The following NSUN2 variants were observed in gnomAD, a reference collection of about 807,000 sequenced individuals.
The protein encoded by NSUN2 is NOP2/Sun RNA methyltransferase 2, also known as RNA cytosine C(5)-methyltransferase NSUN2.
NSUN2 carries 63 observed loss-of-function variants against 92.7 expected under a neutral mutation model. That is an observed-to-expected ratio of 0.68 (90% CI 0.56 to 0.84). The LOEUF (loss-of-function observed/expected upper bound fraction) is 0.84, where lower values mean the gene tolerates loss of function less well. NSUN2 is among the 40% of genes least tolerant of loss of function. The pLI, the probability that NSUN2 is intolerant of heterozygous loss-of-function variation, is 0.00. For synonymous variants in NSUN2, 356 were observed against 348.3 expected (o/e 1.02, Z -0.25); for missense variants, 989 against 964.9 (o/e 1.02, Z -0.33).
chr5:6,600,309 C>T, intron 18 of NSUN2, 77 bp from the exon 19 acceptor site: 1 of 1,348,908 alleles, frequency 7.4e-7, no homozygotes, highest in Non-Finnish European at 1.0e-6. Context: ...TATGCAACTG[C>T]TTAAAAAAGA....
intron 17 of NSUN2, chr5:6,603,882 C>A (rs1451753253): frequency 2.5e-6 from 1 of 406,440 alleles, no homozygotes; most frequent in Non-Finnish European, 4.4e-6. Context: ...GCACGCCACA[C>A]AGACACACCA....
At chr5:6,623,953 C>T (rs972710169) in intron 4 of NSUN2, among the ~76,000 whole-genome samples, 8 of 152,224 alleles carry the variant, frequency 5.3e-5, no homozygotes, top group African/African-American at 1.7e-4. Context: ...GCCTCAACCA[C>T]ACCTCTACTT....
chr5:6,620,497 G>A (rs1047197566), intron 6 of NSUN2, 199 bp from the exon 7 acceptor site: 6 of 411,210 alleles, frequency 1.5e-5, no homozygotes, highest in African/African-American at 6.1e-5. Context: ...ATGGACACTC[G>A]AATTTTGAAA....
rs1737971850 is a variant in NSUN2 at position 6,632,624 on chromosome 5, T to A, written c.229A>T (p.Thr77Ser). ...MDALREPLPA[T>S]LRITGYKSHA... is the part of the protein sequence containing the mutation. ...CTTTTGTAACCAGTAATTCTTAAAG[T>A]GGCCGGGAGCGGCTCCCTGAGAGCG... The change falls in exon 2 of 19, where the codon ACT becomes TCT. Residue 77 changes from threonine (T) to serine (S), a missense_variant. Thr to Ser is a moderately conservative substitution (Grantham distance 58). Transcript: ENST00000264670. 6.2e-7 allele frequency: 1 copy of A among 1,614,006 alleles called. No individual in the cohort carries two copies. Among genetic ancestry groups the A allele is most frequent in the Non-Finnish European group, 8.5e-7 (1 of 1,180,014 alleles).
chr5:6,620,356 G>A, intron 6 of NSUN2, 58 bp from the exon 7 acceptor site: 1 of 1,308,090 alleles, frequency 7.6e-7, no homozygotes, highest in South Asian at 1.6e-5. Flanking sequence ...ATCACATCCT[G>A]AAATATGCGA....
chr5:6,600,095 T>C lies in NSUN2; in HGVS notation c.2135A>G (p.Lys712Arg), dbSNP rs750035271. Residue 712 changes from lysine (K) to arginine (R), a missense_variant, in exon 19 of 19, where the codon AAG becomes AGG. Coordinates refer to ENST00000264670, the MANE Select transcript of NSUN2 (RefSeq NM_017755.6). ...CTCATTTGTGAGGATAACCCCTTCC[T>C]TCTTCTTTTCTCCCAATACCTCCAG... ...MGLEVLGEKKKEGVILTNESA... is the reference protein window; with the variant it reads ...MGLEVLGEKKREGVILTNESA... The C allele has an allele frequency of 6.2e-7, 1 of 1,614,192 alleles. No individual in the cohort carries two copies. Among genetic ancestry groups the C allele is most frequent in the East Asian group, 2.2e-5 (1 of 44,882 alleles).
intron 18 of NSUN2, among the ~76,000 whole-genome samples, chr5:6,601,190 G>A (rs2126464890): frequency 1.3e-5 from 2 of 151,864 alleles, no homozygotes; most frequent in South Asian, 4.2e-4. Context: ...TATTCCTGAA[G>A]TTGACCTGTC....
chr5:6,600,334 C>A, intron 18 of NSUN2, 102 bp from the exon 19 acceptor site: 1 of 1,123,578 alleles, frequency 8.9e-7, no homozygotes, highest in African/African-American at 1.6e-5. Context: ...CACAGAAAAC[C>A]CATACCCACA....
Position 6,621,934 on chromosome 5 carries a change from C to T in NSUN2, c.622+82G>A, listed in dbSNP as rs1579374506. 7 of 1,198,702 alleles carry T rather than the reference C, an allele frequency of 5.8e-6. No homozygotes were observed. In the East Asian group the frequency reaches 1.6e-4, roughly 28 times the overall value. The allele number at this position is 1,198,702 out of a possible 1,614,324, so 74.3% of individuals were successfully genotyped here. A position where few individuals can be genotyped will look rare whatever the true frequency, so the allele number is the denominator to read the frequency against. On this transcript the variant is annotated intron_variant, in intron 6 of 18. Coordinates refer to ENST00000264670, the MANE Select transcript of NSUN2 (RefSeq NM_017755.6). ...ATAGGAGACTTTAGAGCCAAATTAG[C>T]AGGCAAAGTTAGAGTCTTTTCCTTG...
intron 4 of NSUN2, among the ~76,000 whole-genome samples, chr5:6,623,518 T>A (rs1034417956): frequency 6.6e-6 from 1 of 152,012 alleles, no homozygotes; most frequent in African/African-American, 2.4e-5. Flanking sequence ...CCAACTTCCA[T>A]GAAAGAAAAG....
chr5:6,616,911 T>C (rs1314453953), intron 8 of NSUN2, 54 bp from the exon 9 acceptor site: 3 of 1,508,672 alleles, frequency 2.0e-6, no homozygotes, highest in South Asian at 1.3e-5. Context: ...GAAGTGCACA[T>C]ATTAGAAGCA....
rs1737230498 is a variant in NSUN2, at chr5:6,616,792, G to C, written c.956C>G (p.Ser319Cys). The C allele has an allele frequency of 2.5e-6, 4 of 1,600,898 alleles. No homozygotes were observed. Among genetic ancestry groups the C allele is most frequent in the Non-Finnish European group, 3.4e-6 (4 of 1,174,714 alleles). The change falls in exon 9 of 19, where the codon TCC (serine) becomes TGC (cysteine). Residue 319 changes from serine (S) to cysteine (C), a missense_variant. By Grantham distance (112) the Ser-to-Cys change is moderately radical. Around this residue, in one of 3 missense-constraint regions of NSUN2, gnomAD observed 626 missense variants for 602.3 expected, o/e 1.04. Transcript: ENST00000264670. ...CTCAATAGGGTTTAGTGAACACGTG[G>C]AATACACCATCCTTCCACCTTCAGC... Reference protein sequence around the residue: ...QLAEGGRMVYSTCSLNPIEDE... With the variant: ...QLAEGGRMVYCTCSLNPIEDE...
intron 8 of NSUN2, 64 bp downstream of exon 8, chr5:6,617,884 GCA>G: frequency 8.0e-7 from 1 of 1,255,852 alleles, no homozygotes; most frequent in South Asian, 1.3e-5. Flanking sequence ...ATGCTCACTT[GCA>G]TAACAATAAA....
chr5:6,615,938 T>C (rs185572421), intron 9 of NSUN2, among the ~76,000 whole-genome samples: 14 of 152,348 alleles, frequency 9.2e-5, no homozygotes, highest in Non-Finnish European at 1.8e-4. Context: ...TATAAAACTG[T>C]ATGAGGTGAC....
intron 6 of NSUN2, 116 bp from the exon 7 acceptor site, chr5:6,620,414 C>T: frequency 3.9e-6 from 3 of 762,714 alleles, no homozygotes; most frequent in Non-Finnish European, 6.1e-6. Flanking sequence ...AAACTTAAGA[C>T]CCACAGTCAA....
intron 7 of NSUN2, among the ~76,000 whole-genome samples, chr5:6,618,823 T>C (rs1737320200): frequency 6.6e-6 from 1 of 152,250 alleles, no homozygotes. Flanking sequence ...TCTGCCCTGT[T>C]TTCCCAGAAG....
chr5:6,613,652 T>C (rs1162370104), intron 9 of NSUN2, among the ~76,000 whole-genome samples: 1 of 152,242 alleles, frequency 6.6e-6, no homozygotes, highest in Admixed American at 6.5e-5. Flanking sequence ...GAGATAAGCC[T>C]CATTTTAAAG....
At chr5:6,616,909 C>A (rs925855996) in intron 8 of NSUN2, 52 bp from the exon 9 acceptor site, 4 of 1,527,942 alleles carry the variant, frequency 2.6e-6, no homozygotes. Flanking sequence ...ATGAAGTGCA[C>A]ATATTAGAAG....
At chr5:6,603,951 G>A in intron 17 of NSUN2, 187 bp downstream of exon 17, 1 of 562,568 alleles carries the variant, frequency 1.8e-6, no homozygotes, top group Admixed American at 3.3e-5. Flanking sequence ...CCAACCCCAA[G>A]ATGCCTTTGA....
Sources: allele counts gnomAD v4.1 joint callset (sites outside exome capture counted in the v4.1 genomes callset), GRCh38; gene constraint gnomAD v4.1.1; regional missense constraint gnomAD v4.1.1; transcripts MANE v1.5; gene names NCBI Gene and HGNC (gene_info 2026-07-23, HGNC 2026-07-21).